Variants in CDH13 observed in about 807,000 individuals in gnomAD.
The protein encoded by CDH13 is cadherin 13, also known as cadherin-13.
A neutral mutation model predicts 63.8 loss-of-function variants in CDH13; 24 were observed. That is an observed-to-expected ratio of 0.38 (90% CI 0.27 to 0.53). The LOEUF (loss-of-function observed/expected upper bound fraction) is 0.53, where lower values mean the gene tolerates loss of function less well. Among genes scored for constraint, CDH13 ranks in the 20% least tolerant of loss-of-function variants. The pLI, the probability that CDH13 is intolerant of heterozygous loss-of-function variation, is 0.85. For synonymous variants in CDH13, 503 were observed against 355.3 expected (o/e 1.42, Z -4.67); for missense variants, 1,049 against 903.1 (o/e 1.16, Z -2.07).
intron 6 of CDH13, among the ~76,000 whole-genome samples, chr16:83,417,984 A>G (rs1197004457): frequency 1.3e-5 from 2 of 152,076 alleles, no homozygotes; most frequent in African/African-American, 2.4e-5. Context: ...CATCCTTTAA[A>G]GCCCAGGGAA....
At chr16:83,330,385 A>C (rs563334921) in intron 5 of CDH13, among the ~76,000 whole-genome samples, 74 of 152,348 alleles carry the variant, frequency 4.9e-4, no homozygotes, top group Non-Finnish European at 9.3e-4. Context: ...TTACAACTGC[A>C]CGTGAATAAA....
chr16:82,835,699 G>C (rs752704091), intron 1 of CDH13, among the ~76,000 whole-genome samples: 71 of 152,296 alleles, frequency 4.7e-4, no homozygotes, highest in Non-Finnish European at 7.5e-4. Flanking sequence ...CTGTTCTCTA[G>C]ATAGAAGTTT....
At chr16:83,628,665 C>G (rs1238762062) in intron 8 of CDH13, among the ~76,000 whole-genome samples, 1 of 152,144 alleles carries the variant, frequency 6.6e-6, no homozygotes, top group Admixed American at 6.5e-5. Flanking sequence ...TCCTCTCTAT[C>G]TAGTCGGTAT....
rs2039130989 is a variant in CDH13, at chr16:82,843,735, A to G, written c.46-14627A>G. 3.3e-5 allele frequency among the ~76,000 whole-genome samples: 5 copies of G among 152,344 alleles called. No homozygotes were observed. The South Asian group carries it at 1.0e-3, about 32-fold the overall frequency. ...TCTTGTCTAATGTCTGGCAGAGAAG[A>G]AAGTGTTGAGAGCTGCACAGTTGGA... On this transcript the variant is annotated intron_variant, in intron 1 of 13. Coordinates refer to ENST00000567109, the MANE Select transcript of CDH13 (RefSeq NM_001257.5).
intron 5 of CDH13, among the ~76,000 whole-genome samples, chr16:83,301,807 C>A (rs1022627308): frequency 3.3e-5 from 5 of 151,740 alleles, no homozygotes; most frequent in African/African-American, 1.2e-4. Context: ...TTTTGGCAGA[C>A]ACAGAGTCAC....
chr16:82,946,549 C>T (rs1279941371), intron 2 of CDH13, among the ~76,000 whole-genome samples: 1 of 151,952 alleles, frequency 6.6e-6, no homozygotes, highest in Non-Finnish European at 1.5e-5. Context: ...GGCAAAACCT[C>T]ATCTCTACTA....
At chr16:83,167,309 C>G (rs142217696) in intron 4 of CDH13, among the ~76,000 whole-genome samples, 1 of 151,582 alleles carries the variant, frequency 6.6e-6, no homozygotes. Context: ...CCAGCCTGGC[C>G]AACATGGTGA....
chr16:82,674,817 G>T lies in CDH13; in HGVS notation c.45+47680G>T, dbSNP rs144225994. ...TATGGTATGTGTTGGCGGGACGGGG[G>T]CTGCCTTCTGAGACACAAATGGATG... On this transcript the variant is annotated intron_variant, in intron 1 of 13. Coordinates refer to ENST00000567109, the MANE Select transcript of CDH13 (RefSeq NM_001257.5). Among the ~76,000 whole-genome samples the T allele has an allele frequency of 6.6e-5, 10 of 152,260 alleles. No individual in the cohort carries two copies. In the East Asian group the frequency reaches 1.9e-3, roughly 29 times the overall value.
At chr16:83,320,745 G>A (rs772533193) in intron 5 of CDH13, among the ~76,000 whole-genome samples, 10 of 152,192 alleles carry the variant, frequency 6.6e-5, no homozygotes, top group Non-Finnish European at 1.3e-4. Flanking sequence ...ATTAGAGTGT[G>A]TAGACCAAGC....
intron 13 of CDH13, among the ~76,000 whole-genome samples, chr16:83,783,887 G>A (rs550218522): frequency 5.3e-5 from 8 of 152,306 alleles, no homozygotes; most frequent in Non-Finnish European, 7.3e-5. Flanking sequence ...GAGAATAGTC[G>A]TGAGAATTTA....
rs114021958 is a variant in CDH13, at chr16:82,779,927, C to G, written c.46-78435C>G. ...CAGTCCCCCAAGAAGTCAAATACAT[C>G]TGCACATGTGTATCATGTTACTGCA... On this transcript the variant is annotated intron_variant, in intron 1 of 13. Coordinates refer to ENST00000567109, the MANE Select transcript of CDH13 (RefSeq NM_001257.5). 5.0e-3 allele frequency among the ~76,000 whole-genome samples: 757 copies of G among 152,298 alleles called. 4 individuals carry two copies. Among genetic ancestry groups the G allele is most frequent in the African/African-American group, 0.018 (738 of 41,560 alleles).
At chr16:83,624,602 C>A (rs1381123834) in intron 8 of CDH13, among the ~76,000 whole-genome samples, 1 of 152,240 alleles carries the variant, frequency 6.6e-6, no homozygotes, top group African/African-American at 2.4e-5. Flanking sequence ...GGTGCTCAGG[C>A]GGTCATGCTC....
chr16:82,712,724 C>G (rs2032047087), intron 1 of CDH13, among the ~76,000 whole-genome samples: 1 of 152,182 alleles, frequency 6.6e-6, no homozygotes, highest in Admixed American at 6.5e-5. Context: ...TCCCTGAACT[C>G]TTCTTATGTT....
intron 6 of CDH13, among the ~76,000 whole-genome samples, chr16:83,372,699 C>T (rs992401572): frequency 1.8e-4 from 26 of 147,654 alleles, no homozygotes; most frequent in African/African-American, 5.8e-4. Flanking sequence ...TTGCAGTGAG[C>T]CGAGGTGGTG....
chr16:83,428,421 G>A lies in CDH13; in HGVS notation c.782-58056G>A, dbSNP rs374528072. On this transcript the variant is annotated intron_variant, in intron 6 of 13. Transcript: ENST00000567109. The stretch of plus-strand genomic sequence containing the variant: ...TCCTGAGTTGATTTTAGCTTTGTTT[G>A]TTTTTCCATTGACAAGATTCATTTT... Among the ~76,000 whole-genome samples the A allele has an allele frequency of 1.8e-4, 27 of 151,122 alleles. No homozygotes were observed. In the South Asian group the frequency reaches 5.3e-3, roughly 29 times the overall value.
At chr16:83,028,889 T>C (rs1916057775) in intron 2 of CDH13, among the ~76,000 whole-genome samples, 1 of 152,146 alleles carries the variant, frequency 6.6e-6, no homozygotes. Flanking sequence ...GGTTGTATTC[T>C]CCATGGGGTA....
chr16:82,828,429 C>T (rs2038361199), intron 1 of CDH13, among the ~76,000 whole-genome samples: 1 of 152,050 alleles, frequency 6.6e-6, no homozygotes, highest in Non-Finnish European at 1.5e-5. Context: ...ACTAGCCTGG[C>T]CAACATAGTG....
At chr16:83,345,049 A>G (rs777210286) in intron 6 of CDH13, 43 bp downstream of exon 6, 83 of 1,599,882 alleles carry the variant, frequency 5.2e-5, no homozygotes, top group Non-Finnish European at 7.0e-5. Flanking sequence ...GCTTGGAAAG[A>G]GGCACACTTT....
At chr16:82,636,192 G>A (rs1908632745) in intron 1 of CDH13, among the ~76,000 whole-genome samples, 3 of 152,262 alleles carry the variant, frequency 2.0e-5, no homozygotes, top group Middle Eastern at 3.4e-3. Context: ...GGTGAAGGAG[G>A]CCTGCTTGAG....
Sources: allele counts gnomAD v4.1 joint callset (sites outside exome capture counted in the v4.1 genomes callset), GRCh38; gene constraint gnomAD v4.1.1; transcripts MANE v1.5; gene names NCBI Gene and HGNC (gene_info 2026-07-23, HGNC 2026-07-21).